Variants in RASAL3 observed in about 807,000 individuals in gnomAD.
The protein encoded by RASAL3 is RAS protein activator like 3.
RASAL3 carries 74 observed loss-of-function variants against 105.5 expected under a neutral mutation model. The observed-to-expected ratio is 0.70, with a 90% CI of 0.58 to 0.85. The LOEUF is 0.85. Ranked by LOEUF, RASAL3 falls within the 40% of genes least tolerant of loss-of-function variation. The pLI, the probability that RASAL3 is intolerant of heterozygous loss-of-function variation, is 0.00. For synonymous variants in RASAL3, 579 were observed against 591.6 expected (o/e 0.98, Z 0.31); for missense variants, 1,352 against 1,392.0 (o/e 0.97, Z 0.46).
In RASAL3 at chr19:15,457,501, C is replaced by CT; in HGVS notation, c.1221_1222insA (p.Gly408ArgfsTer75). 1 of 1,183,580 alleles carries CT rather than the reference C, an allele frequency of 8.4e-7. No homozygotes were observed. Among genetic ancestry groups the CT allele is most frequent in the Non-Finnish European group, 1.0e-6 (1 of 952,792 alleles). The allele number at this position is 1,183,580 out of a possible 1,614,324, so 73.3% of individuals were successfully genotyped here. On this transcript the variant is annotated frameshift_variant, in exon 9 of 18. Transcript: ENST00000343625. LOFTEE classifies it high-confidence loss of function. The surrounding 1 kb of genome is among the most constrained non-coding windows in gnomAD (Gnocchi z 8.6). Reference sequence around the variant, plus strand: ...CGCAGCGCTGCGCCCGCCGGCGCCCCGAGCAGCGGGAACCAGCGCTCCAGA... The same window carrying CT: ...CGCAGCGCTGCGCCCGCCGGCGCCCCTGAGCAGCGGGAACCAGCGCTCCAGA...
Position 15,456,944 on chromosome 19 carries a change from T to C in RASAL3, c.1432-298A>G. Reference sequence around the variant, plus strand: ...TTCAAGGTGTCCCGCCCCTTATGGGTGATAATTAGGCCCCGCCCCTCACAG... The same window carrying C: ...TTCAAGGTGTCCCGCCCCTTATGGGCGATAATTAGGCCCCGCCCCTCACAG... On this transcript the variant is annotated intron_variant, in intron 9 of 17. Transcript: ENST00000343625. The surrounding 1 kb of genome is among the most constrained non-coding windows in gnomAD (Gnocchi z 4.4). 1 of 491,344 alleles carries C rather than the reference T, an allele frequency of 2.0e-6. No individual in the cohort carries two copies. Among genetic ancestry groups the C allele is most frequent in the Non-Finnish European group, 3.7e-6 (1 of 273,148 alleles). 30.4% of individuals were successfully genotyped at this position (491,344 alleles called of 1,614,324 possible). A position where few individuals can be genotyped will look rare whatever the true frequency, so the allele number is the denominator to read the frequency against.
chr19:15,458,492 G>C (rs1172490826), intron 7 of RASAL3, 37 bp downstream of exon 7: 2 of 1,613,626 alleles, frequency 1.2e-6, no homozygotes, highest in Non-Finnish European at 1.7e-6. Context: ...TGGGAGGTGG[G>C]ACTGAGGTGG....
chr19:15,456,419 A>G lies in RASAL3; in HGVS notation c.1576+83T>C, dbSNP rs1970321292. 6.4e-7 allele frequency: 1 copy of G among 1,562,538 alleles called. No homozygotes were observed. Among genetic ancestry groups the G allele is most frequent in the East Asian group, 2.3e-5 (1 of 43,442 alleles). ...AAAACACCACTCACTACCAGAATCCAGGTTGCTCAAGGACTCTTAGAACTT... is the reference window on the plus strand; with the variant it reads ...AAAACACCACTCACTACCAGAATCCGGGTTGCTCAAGGACTCTTAGAACTT... On this transcript the variant is annotated intron_variant, in intron 10 of 17. Transcript: ENST00000343625. This position sits in a 1 kb window ranked among gnomAD's most constrained non-coding sequence, Gnocchi z 4.4.
At position 15,460,193 on chromosome 19, in the gene RASAL3, ACACCCTTACC is replaced by A. The variant is rs1157412325; in HGVS notation, c.662_662+9del. On this transcript the variant is annotated splice_donor_variant and splice_donor_5th_base_variant and coding_sequence_variant and intron_variant, in exon 6 of 18. Coordinates refer to ENST00000343625, the MANE Select transcript of RASAL3 (RefSeq NM_022904.3). LOFTEE classifies it high-confidence loss of function. ...AACCCCAGCCCCTCCAGCCTCTCAT[ACACCCTTACC>A]CATCCCGGGGCTCCAACCTGGCCTT... is the stretch of plus-strand genomic sequence containing the variant. 2 of 1,603,312 alleles carry A rather than the reference ACACCCTTACC, an allele frequency of 1.2e-6. No homozygotes were observed. The highest frequency in any genetic ancestry group is 1.7e-6 in the Non-Finnish European group (2 of 1,174,852).
Position 15,457,286 on chromosome 19 carries a change from C to T in RASAL3, c.1431+6G>A. 7.8e-7 allele frequency: 1 copy of T among 1,286,314 alleles called. No individual in the cohort carries two copies. Among genetic ancestry groups the T allele is most frequent in the South Asian group, 2.1e-5 (1 of 46,630 alleles). 79.7% of individuals were successfully genotyped at this position (1,286,314 alleles called of 1,614,324 possible). A position where few individuals can be genotyped will look rare whatever the true frequency, so the allele number is the denominator to read the frequency against. On this transcript the variant is annotated splice_donor_region_variant and intron_variant, in intron 9 of 17. Transcript: ENST00000343625. The surrounding 1 kb of genome is among the most constrained non-coding windows in gnomAD (Gnocchi z 8.6). ...AGCCCCGGTCCGCGCTGTCGCGGTG[C>T]CGCACCTGCGCCCGGCCGGTGGCCC... is the stretch of plus-strand genomic sequence containing the variant.
chr19:15,460,377 A>G (rs1465018207), intron 5 of RASAL3, 119 bp from the exon 6 acceptor site: 5 of 860,134 alleles, frequency 5.8e-6, no homozygotes, highest in East Asian at 2.7e-5. Context: ...CTCAGGCTGT[A>G]TTAGCAGGAA....
At position 15,454,686 on chromosome 19, in the gene RASAL3, C is replaced by G; in HGVS notation, c.1929G>C (p.Lys643Asn). Residue 643 changes from lysine to asparagine, a missense_variant, in exon 12 of 18, where the codon AAG (lysine) becomes AAC (asparagine). Physicochemically the swap from Lys to Asn is moderately conservative, Grantham distance 94. This residue lies in a region of RASAL3 where 920 missense variants were observed against 919.6 expected (regional missense o/e 1.00). Transcript: ENST00000343625. ...CACGGTTGGCGAGGTTCTGGATGACCTTGGCAATCAGTGTGAGGGTGCGGG... is the reference window on the plus strand; with the variant it reads ...CACGGTTGGCGAGGTTCTGGATGACGTTGGCAATCAGTGTGAGGGTGCGGG... Reference protein sequence around the residue: ...GPARTLTLIAKVIQNLANRAP... With the variant: ...GPARTLTLIANVIQNLANRAP... 3 of 1,609,850 alleles carry G rather than the reference C, an allele frequency of 1.9e-6. No individual in the cohort carries two copies. The highest frequency in any genetic ancestry group is 2.5e-6 in the Non-Finnish European group (3 of 1,177,256).
At chr19:15,452,874 G>A (rs1306344970) in intron 15 of RASAL3, 59 bp from the exon 16 acceptor site, 1 of 1,483,124 alleles carries the variant, frequency 6.7e-7, no homozygotes, top group Non-Finnish European at 9.0e-7. Flanking sequence ...TCTCCCCGGA[G>A]ACCCTGACCT....
rs1022070964 is a variant in RASAL3 at position 15,457,200 on chromosome 19, G to A, written c.1431+92C>T. 1.5e-5 allele frequency: 16 copies of A among 1,065,950 alleles called. No homozygotes were observed. The highest frequency in any genetic ancestry group is 3.6e-4 in the Middle Eastern group (1 of 2,776). 66.0% of individuals were successfully genotyped at this position (1,065,950 alleles called of 1,614,324 possible). On this transcript the variant is annotated intron_variant, in intron 9 of 17. Transcript: ENST00000343625. The surrounding 1 kb of genome is among the most constrained non-coding windows in gnomAD (Gnocchi z 8.6). The stretch of plus-strand genomic sequence containing the variant: ...CTTCAAGGTGTCTCCCCCATTACAG[G>A]TGCAACTCAGGTCCTGCGCCCCAAC...
chr19:15,452,868 C>T, intron 15 of RASAL3, 53 bp from the exon 16 acceptor site: 1 of 1,485,668 alleles, frequency 6.7e-7, no homozygotes, highest in Non-Finnish European at 9.0e-7. Context: ...CCTGTGTCTC[C>T]CCGGAGACCC....
Position 15,451,944 on chromosome 19 carries a change from G to T in RASAL3, c.2893-6C>A. 1.9e-6 allele frequency: 3 copies of T among 1,610,816 alleles called. No homozygotes were observed. The highest frequency in any genetic ancestry group is 2.5e-6 in the Non-Finnish European group (3 of 1,177,330). On this transcript the variant is annotated splice_region_variant and splice_polypyrimidine_tract_variant and intron_variant, in intron 17 of 17. Transcript: ENST00000343625. ...ATCTCATTTAGGCGGTGCTCCTGGG[G>T]AGGCAGTGGTGATGGGGTTCAGAAA...
Position 15,452,270 on chromosome 19 carries a change from A to G in RASAL3, c.2829-162T>C. The G allele has an allele frequency of 4.4e-6, 3 of 684,992 alleles. No homozygotes were observed. In the African/African-American group the frequency reaches 5.3e-5, roughly 12 times the overall value. 42.4% of individuals were successfully genotyped at this position (684,992 alleles called of 1,614,324 possible). On this transcript the variant is annotated intron_variant, in intron 16 of 17. Coordinates refer to ENST00000343625, the MANE Select transcript of RASAL3 (RefSeq NM_022904.3). ...AATATGCTTGAAGAAGGGTCGGACCAGAGACGGGAATGGTTGGAATGACAG... is the reference window on the plus strand; with the variant it reads ...AATATGCTTGAAGAAGGGTCGGACCGGAGACGGGAATGGTTGGAATGACAG...
At chr19:15,462,197 C>A (rs1008746455) in intron 2 of RASAL3, among the ~76,000 whole-genome samples, 1 of 151,928 alleles carries the variant, frequency 6.6e-6, no homozygotes, top group Admixed American at 6.6e-5. Context: ...TAAAAAATAG[C>A]CTGATGTGCC....
chr19:15,453,371 C>T lies in RASAL3; in HGVS notation c.2406G>A (p.Pro802=). The part of the protein sequence containing the change: ...RRSESWARPR[P]DEERPLRRPR... ...GCCGCCGCAGGGGCCGCTCTTCGTC[C>T]GGCCGTGGCCGGGCCCAACTCTCTG... The change falls in exon 15 of 18, where the codon CCG becomes CCA. Residue 802 remains proline (P), a synonymous_variant. Coordinates refer to ENST00000343625, the MANE Select transcript of RASAL3 (RefSeq NM_022904.3). This position sits in a 1 kb window ranked among gnomAD's most constrained non-coding sequence, Gnocchi z 4.2. 3 of 1,449,686 alleles carry T rather than the reference C, an allele frequency of 2.1e-6. 1 individual carries two copies. Among genetic ancestry groups the T allele is most frequent in the South Asian group, 2.8e-5 (2 of 71,712 alleles). The allele number at this position is 1,449,686 out of a possible 1,614,324, so 89.8% of individuals were successfully genotyped here. A position where few individuals can be genotyped will look rare whatever the true frequency, so the allele number is the denominator to read the frequency against.
rs756739474 is a variant in RASAL3, at chr19:15,461,204, C to A, written c.544+14G>T. 3 of 1,613,702 alleles carry A rather than the reference C, an allele frequency of 1.9e-6. No individual in the cohort carries two copies. In the African/African-American group the frequency reaches 4.0e-5, roughly 22 times the overall value. On this transcript the variant is annotated intron_variant, in intron 4 of 17. Transcript: ENST00000343625. ...CTCCCAAATGCCCCAGGCCTTTCCA[C>A]CCCTCAAGCTTACCTGGATCCCTGA...
chr19:15,457,763 C>T lies in RASAL3; in HGVS notation c.960G>A (p.Ala320=), dbSNP rs750102385. ...VHEAKGLPRA[A]AGAPGVRAEL... is the part of the protein sequence containing the mutation. ...CGGCGCGCACGCCGGGTGCCCCCGC[C>T]GCTGCTCGGGGAAGCCCCTTCGCTT... is the stretch of plus-strand genomic sequence containing the variant. The change falls in exon 9 of 18, where the codon GCG becomes GCA. Residue 320 remains alanine, a synonymous_variant. Transcript: ENST00000343625. The surrounding 1 kb of genome is among the most constrained non-coding windows in gnomAD (Gnocchi z 8.6). 2 of 1,546,212 alleles carry T rather than the reference C, an allele frequency of 1.3e-6. No homozygotes were observed. Among genetic ancestry groups the T allele is most frequent in the Non-Finnish European group, 1.7e-6 (2 of 1,145,866 alleles).
rs1356420268 is a variant in RASAL3, at chr19:15,464,053, C to T, written c.306G>A (p.Pro102=). Residue 102 remains proline, a synonymous_variant, in exon 2 of 18, where the codon CCG becomes CCA. Coordinates refer to ENST00000343625, the MANE Select transcript of RASAL3 (RefSeq NM_022904.3). ...TACCTGGGGCCTCCTGCTCCGGCTCCGGGTCTGGCTCCGGCGGTGGGTTCT... is the reference window on the plus strand; with the variant it reads ...TACCTGGGGCCTCCTGCTCCGGCTCTGGGTCTGGCTCCGGCGGTGGGTTCT... ...RHKNPPPEPD[P]EPEQEAPELE... 1.9e-6 allele frequency: 3 copies of T among 1,574,784 alleles called. No homozygotes were observed. Among genetic ancestry groups the T allele is most frequent in the Non-Finnish European group, 2.6e-6 (3 of 1,158,048 alleles).
intron 2 of RASAL3, among the ~76,000 whole-genome samples, chr19:15,463,009 T>C (rs1397591996): frequency 6.6e-6 from 1 of 152,042 alleles, no homozygotes; most frequent in African/African-American, 2.4e-5. Context: ...TGAGCCCTAA[T>C]TCTTGTGATA....
chr19:15,456,642 A>G lies in RASAL3; in HGVS notation c.1436T>C (p.Leu479Pro). 1 of 1,611,906 alleles carries G rather than the reference A, an allele frequency of 6.2e-7. No homozygotes were observed. The highest frequency in any genetic ancestry group is 1.1e-5 in the South Asian group (1 of 90,826). Residue 479 changes from leucine to proline, a missense_variant, in exon 10 of 18, where the codon CTG becomes CCG. Physicochemically the swap from Leu to Pro is moderately conservative, Grantham distance 98. This residue lies in a region of RASAL3 where 920 missense variants were observed against 919.6 expected (regional missense o/e 1.00). Transcript: ENST00000343625. This position sits in a 1 kb window ranked among gnomAD's most constrained non-coding sequence, Gnocchi z 4.4. ...VLRATGRAQA[L>P]VTDLGTAELA... ...CTCCGCAGTGCCCAGGTCAGTCACC[A>G]GCGCCTAGGAAGGGCAGGAGGTCAG...
Sources: allele counts gnomAD v4.1 joint callset (sites outside exome capture counted in the v4.1 genomes callset), GRCh38; gene constraint gnomAD v4.1.1; regional missense constraint gnomAD v4.1.1; non-coding constraint Gnocchi (gnomAD v3.1); transcripts MANE v1.5; gene names NCBI Gene and HGNC (gene_info 2026-07-23, HGNC 2026-07-21).